CBL: variants seen among roughly 807,000 people sequenced by gnomAD.
CBL encodes Cbl proto-oncogene.
A neutral mutation model predicts 96.9 loss-of-function variants in CBL; 45 were observed. The observed-to-expected ratio is 0.46, with a 90% CI of 0.37 to 0.60. The LOEUF (loss-of-function observed/expected upper bound fraction) is 0.60, where lower values mean the gene tolerates loss of function less well. CBL is among the 20% of genes least tolerant of loss of function. CBL has a pLI of 0.00. For missense variants in CBL, 1,024 were observed against 1,143.5 expected (o/e 0.90, Z 1.51); for synonymous variants, 420 against 426.8 (o/e 0.98, Z 0.20).
At chr11:119,211,359 T>C (rs139158728) in intron 1 of CBL, among the ~76,000 whole-genome samples, 6,234 of 151,350 alleles carry the variant, frequency 0.041, 181 homozygotes, top group Non-Finnish European at 0.072. Flanking sequence ...GCAACAAGAG[T>C]GAAACTCTGT....
chr11:119,256,331 C>T (rs957889101), intron 2 of CBL, among the ~76,000 whole-genome samples: 8 of 151,974 alleles, frequency 5.3e-5, no homozygotes, highest in South Asian at 2.1e-4. Context: ...AGGCATCCGC[C>T]GCTACGCCCA....
At chr11:119,209,138 G>C (rs760828349) in intron 1 of CBL, among the ~76,000 whole-genome samples, 1 of 152,108 alleles carries the variant, frequency 6.6e-6, no homozygotes, top group Non-Finnish European at 1.5e-5. Flanking sequence ...GAATACCTCT[G>C]TGATGTTACT....
chr11:119,254,790 C>T (rs1267713426), intron 2 of CBL, among the ~76,000 whole-genome samples: 6 of 151,898 alleles, frequency 4.0e-5, no homozygotes, highest in South Asian at 4.1e-4. Flanking sequence ...TTAGTAGAGA[C>T]GGGGTTTTGC....
At chr11:119,272,279 G>A (rs1396829966) in intron 3 of CBL, among the ~76,000 whole-genome samples, 4 of 152,014 alleles carry the variant, frequency 2.6e-5, no homozygotes, top group South Asian at 2.1e-4. Context: ...CTGCCACCAC[G>A]CCCGGCTAAT....
intron 2 of CBL, among the ~76,000 whole-genome samples, chr11:119,252,620 C>G (rs1949677363): frequency 6.6e-6 from 1 of 152,064 alleles, no homozygotes; most frequent in Non-Finnish European, 1.5e-5. Context: ...CTTTGGGAGG[C>G]CGAGGCGGGT....
chr11:119,213,271 C>T (rs574654431), intron 1 of CBL, among the ~76,000 whole-genome samples: 1 of 152,278 alleles, frequency 6.6e-6, no homozygotes, highest in African/African-American at 2.4e-5. Context: ...TAGTATATAG[C>T]ATTTAATTGG....
In CBL at chr11:119,298,447, G is replaced by C. The variant is rs1343017768; in HGVS notation, c.2341G>C (p.Val781Leu). The change falls in exon 15 of 16, where the codon GTG becomes CTG. Residue 781 changes from valine (V) to leucine (L), a missense_variant. By Grantham distance (32) the Val-to-Leu change is conservative. This residue lies in a region of CBL where 695 missense variants were observed against 661.6 expected (regional missense o/e 1.05). Transcript: ENST00000264033. ...DDGYDVPKPP[V>L]PAVLARRTLS... The stretch of plus-strand genomic sequence containing the variant: ...TGGGTATGATGTCCCAAAGCCACCT[G>C]TGCCGGCCGTGCTGGCCCGCCGAAC... 2 of 1,614,078 alleles carry C rather than the reference G, an allele frequency of 1.2e-6. No homozygotes were observed. The highest frequency in any genetic ancestry group is 3.3e-5 in the Admixed American group (2 of 60,004).
intron 1 of CBL, among the ~76,000 whole-genome samples, chr11:119,222,545 G>A (rs919951409): frequency 2.0e-5 from 3 of 152,152 alleles, no homozygotes; most frequent in African/African-American, 7.2e-5. Context: ...TGTACAGGCA[G>A]AAGTAAACAA....
intron 11 of CBL, among the ~76,000 whole-genome samples, chr11:119,286,951 A>G (rs551929931): frequency 6.6e-6 from 1 of 152,324 alleles, no homozygotes; most frequent in East Asian, 1.9e-4. Flanking sequence ...GAAAGCTGGC[A>G]TAGGAGTGGG....
Position 119,245,956 on chromosome 11 carries a change from CTTTTTTTTTTTTTTTTT to C in CBL, c.443+13279_443+13295del, listed in dbSNP as rs71048054. On this transcript the variant is annotated intron_variant, in intron 2 of 15. Transcript: ENST00000264033. ...TAAGACAGACGCATTCTTTGCAAATCTTTTTTTTTTTTTTTTTTTTTTTTTTTTTTTTTTGAGGAGAT... is the reference window on the plus strand; with the variant it reads ...TAAGACAGACGCATTCTTTGCAAATCTTTTTTTTTTTTTTTTTGAGGAGAT... Among the ~76,000 whole-genome samples, 500 of 54,322 alleles carry C rather than the reference CTTTTTTTTTTTTTTTTT, an allele frequency of 9.2e-3. 4 individuals carry two copies. Among genetic ancestry groups the C allele is most frequent in the Middle Eastern group, 0.037 (2 of 54 alleles). 35.6% of individuals were successfully genotyped at this position (54,322 alleles called of 152,430 possible).
chr11:119,300,054 C>G lies in CBL; in HGVS notation c.*273C>G. ...GTGGATTATATTACATGATAACCTA[C>G]CTGGGGAACAGTCCAGAAAGCTATA... On this transcript the variant is annotated 3_prime_UTR_variant, in exon 16 of 16. Coordinates refer to ENST00000264033, the MANE Select transcript of CBL (RefSeq NM_005188.4). 2 of 576,144 alleles carry G rather than the reference C, an allele frequency of 3.5e-6. No homozygotes were observed. The highest frequency in any genetic ancestry group is 6.2e-6 in the Non-Finnish European group (2 of 322,892). 35.7% of individuals were successfully genotyped at this position (576,144 alleles called of 1,614,324 possible). A position where few individuals can be genotyped will look rare whatever the true frequency, so the allele number is the denominator to read the frequency against.
rs572425160 is a variant in CBL, at chr11:119,287,263, C to T, written c.1942-589C>T. ...GGTGGAAAAAAAGGTAAGTACCACA[C>T]GTGCACTGCATGCGCGTAAAAACGA... On this transcript the variant is annotated intron_variant, in intron 11 of 15. Coordinates refer to ENST00000264033, the MANE Select transcript of CBL (RefSeq NM_005188.4). Among the ~76,000 whole-genome samples the T allele has an allele frequency of 6.6e-5, 10 of 152,324 alleles. No homozygotes were observed. The East Asian group carries it at 1.7e-3, about 26-fold the overall frequency.
chr11:119,207,732 A>G (rs549698144), intron 1 of CBL, among the ~76,000 whole-genome samples: 5 of 152,292 alleles, frequency 3.3e-5, no homozygotes, highest in African/African-American at 9.6e-5. Flanking sequence ...CAAAATTCAT[A>G]TTGCGTATGA....
Position 119,206,360 on chromosome 11 carries a change from C to T in CBL, c.-58C>T, listed in dbSNP as rs1186035509. On this transcript the variant is annotated 5_prime_UTR_variant, in exon 1 of 16. Transcript: ENST00000264033. ...CCTCCTTCACGCCCTGCTTCTCTCC[C>T]TCGCTCGCAGTCGAGCCGAGCCGGC... 5 of 1,358,894 alleles carry T rather than the reference C, an allele frequency of 3.7e-6. No homozygotes were observed. Among genetic ancestry groups the T allele is most frequent in the African/African-American group, 3.0e-5 (2 of 65,622 alleles). The allele number at this position is 1,358,894 out of a possible 1,614,324, so 84.2% of individuals were successfully genotyped here.
At chr11:119,212,805 G>T (rs1482031295) in intron 1 of CBL, among the ~76,000 whole-genome samples, 1 of 151,878 alleles carries the variant, frequency 6.6e-6, no homozygotes, top group Non-Finnish European at 1.5e-5. Flanking sequence ...GAGGTCAGCA[G>T]TTTGAGACCA....
At chr11:119,242,241 A>G (rs1198349192) in intron 2 of CBL, among the ~76,000 whole-genome samples, 1 of 152,088 alleles carries the variant, frequency 6.6e-6, no homozygotes, top group Non-Finnish European at 1.5e-5. Flanking sequence ...GTGGAGGCCA[A>G]GAGTTTAAGA....
chr11:119,208,514 C>T (rs377654502), intron 1 of CBL, among the ~76,000 whole-genome samples: 23 of 151,998 alleles, frequency 1.5e-4, no homozygotes, highest in African/African-American at 5.6e-4. Flanking sequence ...CTCAGCCTCC[C>T]GAGTAGCTGG....
intron 2 of CBL, among the ~76,000 whole-genome samples, chr11:119,255,845 A>T (rs1737580120): frequency 1.3e-5 from 2 of 151,904 alleles, no homozygotes; most frequent in African/African-American, 2.4e-5. Flanking sequence ...TATTCTATTT[A>T]ATGGTTATTG....
chr11:119,266,082 G>C (rs1288071781), intron 2 of CBL, among the ~76,000 whole-genome samples: 5 of 151,506 alleles, frequency 3.3e-5, no homozygotes, highest in African/African-American at 1.2e-4. Context: ...CTCTGGTCCA[G>C]CTATTCAGGA....
Sources: gnomAD v4.1 joint callset for allele counts (sites outside exome capture counted in the v4.1 genomes callset) on GRCh38, gnomAD v4.1.1 for gene constraint, gnomAD v4.1.1 regional missense constraint, MANE v1.5 for transcripts, NCBI Gene and HGNC (gene_info 2026-07-23, HGNC 2026-07-21) for gene names.